WLS: variants seen among roughly 807,000 people sequenced by gnomAD.
WLS encodes protein wntless homolog.
In WLS, 23 loss-of-function variants were observed where a neutral mutation model predicts 62.8. The ratio of observed to expected loss-of-function variants is 0.37; its 90% CI spans 0.26 to 0.52. The LOEUF (loss-of-function observed/expected upper bound fraction) is 0.52, where lower values mean the gene tolerates loss of function less well. Among genes scored for constraint, WLS ranks in the 20% least tolerant of loss-of-function variants. WLS has a pLI of 0.92. For synonymous variants in WLS, 246 were observed against 244.1 expected (o/e 1.01, Z -0.07); for missense variants, 615 against 697.3 (o/e 0.88, Z 1.33).
At chr1:68,228,935 G>C (rs1196846984) in intron 1 of WLS, among the ~76,000 whole-genome samples, 1 of 140,316 alleles carries the variant, frequency 7.1e-6, no homozygotes, top group Non-Finnish European at 1.5e-5. Flanking sequence ...GTTGAAATAG[G>C]AGAATATTTA....
intron 9 of WLS, 33 bp from the exon 10 acceptor site, chr1:68,144,685 A>T (rs1557473452): frequency 6.6e-7 from 1 of 1,515,926 alleles, no homozygotes; most frequent in Non-Finnish European, 9.1e-7. Context: ...TTAATACTCC[A>T]TCAGCTACCA....
At chr1:68,199,220 G>A (rs1648855422) in intron 1 of WLS, among the ~76,000 whole-genome samples, 1 of 152,120 alleles carries the variant, frequency 6.6e-6, no homozygotes, top group African/African-American at 2.4e-5. Flanking sequence ...TCACCTAGGA[G>A]CATTACTATT....
At chr1:68,185,401 C>T (rs1029660199) in intron 2 of WLS, among the ~76,000 whole-genome samples, 1 of 152,150 alleles carries the variant, frequency 6.6e-6, no homozygotes, top group African/African-American at 2.4e-5. Flanking sequence ...TGTGGTATGG[C>T]AGGGATCCCT....
chr1:68,228,652 A>G (rs1490762543), intron 1 of WLS, among the ~76,000 whole-genome samples: 1 of 151,972 alleles, frequency 6.6e-6, no homozygotes, highest in African/African-American at 2.4e-5. Context: ...CTAAATATTT[A>G]GAATGTATTT....
chr1:68,135,305 C>CTTTTTTTTTT (rs71581156), intron 11 of WLS, among the ~76,000 whole-genome samples: 12 of 66,788 alleles, frequency 1.8e-4, no homozygotes, highest in East Asian at 1.2e-3. Flanking sequence ...CCATGCCTGG[C>CTTTTTTTTTT]TTTTTTTTTT....
chr1:68,162,381 G>T, intron 2 of WLS: 1 of 1,613,956 alleles, frequency 6.2e-7, no homozygotes. Flanking sequence ...AGGAGACGCA[G>T]TCGCTCTGAT....
At chr1:68,189,989 A>G (rs1448002142) in intron 2 of WLS, among the ~76,000 whole-genome samples, 1 of 152,380 alleles carries the variant, frequency 6.6e-6, no homozygotes, top group East Asian at 1.9e-4. Context: ...AGCCTGGGTG[A>G]CAGAGCGAGA....
At chr1:68,110,692 C>CTCTCTCTCTCTCT (rs1646216637) in intron 11 of WLS, among the ~76,000 whole-genome samples, 1 of 138,382 alleles carries the variant, frequency 7.2e-6, no homozygotes, top group East Asian at 2.1e-4. Flanking sequence ...TCTCTCTCTC[C>CTCTCTCTCTCTCT]ATATATATAT....
intron 2 of WLS, among the ~76,000 whole-genome samples, chr1:68,193,307 T>C (rs903228193): frequency 1.4e-5 from 2 of 143,728 alleles, no homozygotes; most frequent in African/African-American, 2.6e-5. Flanking sequence ...ATGCCATACA[T>C]GTATTGGCCT....
At chr1:68,099,500 G>A (rs1646050657) in intron 11 of WLS, among the ~76,000 whole-genome samples, 1 of 152,116 alleles carries the variant, frequency 6.6e-6, no homozygotes, top group Non-Finnish European at 1.5e-5. Context: ...GTACCTGTAG[G>A]AGATTGGCTG....
At chr1:68,125,280 T>A (rs890992484), downstream of WLS, 2 of 953,852 alleles carry the variant, frequency 2.1e-6, no homozygotes, top group South Asian at 9.7e-5. Context: ...ATAAAGTATA[T>A]CAGTTTTTCA....
At chr1:68,160,312 T>G (rs1047972939) in intron 2 of WLS, among the ~76,000 whole-genome samples, 1 of 151,970 alleles carries the variant, frequency 6.6e-6, no homozygotes, top group Non-Finnish European at 1.5e-5. Flanking sequence ...GCAACTTTGT[T>G]TTTTTTTAAT....
chr1:68,098,921 T>C, intron 11 of WLS: 2 of 1,063,254 alleles, frequency 1.9e-6, no homozygotes, highest in Non-Finnish European at 2.6e-6. Flanking sequence ...TGTGGGACAT[T>C]TGCAGATTTC....
At chr1:68,156,595 A>G (rs952965108) in intron 3 of WLS, among the ~76,000 whole-genome samples, 21 of 152,170 alleles carry the variant, frequency 1.4e-4, no homozygotes, top group African/African-American at 4.8e-4. Flanking sequence ...CGGCACACAT[A>G]ACCAATCAGT....
intron 1 of WLS, among the ~76,000 whole-genome samples, chr1:68,231,247 C>T (rs1442467026): frequency 2.0e-5 from 3 of 152,090 alleles, no homozygotes; most frequent in Admixed American, 6.5e-5. Context: ...CACCCGGAAG[C>T]CTGTTTGACT....
At chr1:68,119,851 C>T (rs898325414) in intron 11 of WLS, among the ~76,000 whole-genome samples, 4 of 152,236 alleles carry the variant, frequency 2.6e-5, no homozygotes, top group African/African-American at 9.6e-5. Context: ...ATAGAAATAA[C>T]TCCTATCTTG....
intron 11 of WLS, among the ~76,000 whole-genome samples, chr1:68,114,413 CAAG>C (rs1256584197): frequency 6.6e-6 from 1 of 152,078 alleles, no homozygotes; most frequent in African/African-American, 2.4e-5. Flanking sequence ...CCACAGGTGT[CAAG>C]AATCTATAAT....
At chr1:68,170,170 T>C (rs796312653) in intron 2 of WLS, among the ~76,000 whole-genome samples, 12 of 145,428 alleles carry the variant, frequency 8.3e-5, no homozygotes, top group Middle Eastern at 3.6e-3. Context: ...CTTTTTTTTT[T>C]TTTTTTTTTT....
intron 11 of WLS, among the ~76,000 whole-genome samples, chr1:68,111,600 T>C (rs557339213): frequency 1.3e-5 from 2 of 152,362 alleles, no homozygotes; most frequent in African/African-American, 4.8e-5. Context: ...TAAATGCCAG[T>C]GTGCCCCTAT....
Sources: gnomAD v4.1 joint callset for allele counts (sites outside exome capture counted in the v4.1 genomes callset) on GRCh38, gnomAD v4.1.1 for gene constraint, MANE v1.5 for transcripts, NCBI Gene and HGNC (gene_info 2026-07-23, HGNC 2026-07-21) for gene names.